The following KIAA1217 variants were observed in gnomAD, a reference collection of about 807,000 sequenced individuals.
KIAA1217 encodes sickle tail protein homolog.
Under a neutral mutation model 163.9 loss-of-function variants are expected in KIAA1217, and 88 were observed. The ratio of observed to expected loss-of-function variants is 0.54; its 90% CI spans 0.45 to 0.64. The LOEUF is 0.64. KIAA1217 is among the 30% of genes least tolerant of loss of function. The pLI, the probability that KIAA1217 is intolerant of heterozygous loss-of-function variation, is 0.00. For missense variants in KIAA1217, 2,372 were observed against 2,475.0 expected (o/e 0.96, Z 0.88); for synonymous variants, 903 against 923.1 (o/e 0.98, Z 0.39).
At chr10:24,537,396 T>C (rs940512089) in intron 17 of KIAA1217, among the ~76,000 whole-genome samples, 1 of 151,818 alleles carries the variant, frequency 6.6e-6, no homozygotes, top group African/African-American at 2.4e-5. Flanking sequence ...GCCAACATGG[T>C]GAAACCCCAT....
intron 2 of KIAA1217, among the ~76,000 whole-genome samples, chr10:24,073,865 G>A (rs1019566742): frequency 6.6e-6 from 1 of 152,174 alleles, no homozygotes; most frequent in African/African-American, 2.4e-5. Context: ...CCCAGTGGGA[G>A]GACACAGGGA....
At chr10:23,806,211 T>C (rs1836736504) in intron 1 of KIAA1217, among the ~76,000 whole-genome samples, 1 of 151,998 alleles carries the variant, frequency 6.6e-6, no homozygotes, top group Non-Finnish European at 1.5e-5. Flanking sequence ...AGGGAAAGAT[T>C]GGTTGAGGAG....
intron 8 of KIAA1217, among the ~76,000 whole-genome samples, chr10:24,500,633 T>C (rs543790655): frequency 1.6e-3 from 243 of 152,290 alleles, no homozygotes; most frequent in African/African-American, 5.8e-3. Flanking sequence ...CCCTTGGCGA[T>C]TGGCTGAATC....
At position 24,142,644 on chromosome 10, in the gene KIAA1217, G is replaced by A. The variant is rs573500284; in HGVS notation, c.-170-76982G>A. Reference sequence around the variant, plus strand: ...TTTAATTTAAAAAAGGATAAAAATAGAAGATGCTGGGAACTATTTTTAGAA... The same window carrying A: ...TTTAATTTAAAAAAGGATAAAAATAAAAGATGCTGGGAACTATTTTTAGAA... On this transcript the variant is annotated intron_variant, in intron 2 of 18. Coordinates refer to the KIAA1217 transcript ENST00000376462. Among the ~76,000 whole-genome samples the A allele has an allele frequency of 2.0e-5, 3 of 152,232 alleles. No individual in the cohort carries two copies. The South Asian group carries it at 6.2e-4, about 32-fold the overall frequency.
At chr10:24,518,168 C>T (rs11014137) in intron 10 of KIAA1217, among the ~76,000 whole-genome samples, 42,621 of 151,920 alleles carry the variant, frequency 0.28, 6,137 homozygotes, top group Middle Eastern at 0.4. Flanking sequence ...TAAACTGTGA[C>T]GTCTATGAAT....
At chr10:24,183,903 A>G (rs146714914) in intron 2 of KIAA1217, among the ~76,000 whole-genome samples, 48 of 152,348 alleles carry the variant, frequency 3.2e-4, no homozygotes, top group African/African-American at 1.1e-3. Context: ...TCTCTTCTGC[A>G]AACTAAATAT....
chr10:23,720,262 G>A lies in KIAA1217; in HGVS notation c.-321+25028G>A, dbSNP rs900091050. On this transcript the variant is annotated intron_variant, in intron 1 of 18. Transcript: ENST00000376462. ...GAATGGGGAGTTGGAGAGAGGGGTGGGGCATTGTCATAGTATTTTGGTTTT... is the reference window on the plus strand; with the variant it reads ...GAATGGGGAGTTGGAGAGAGGGGTGAGGCATTGTCATAGTATTTTGGTTTT... Among the ~76,000 whole-genome samples the A allele has an allele frequency of 4.5e-4, 69 of 152,082 alleles. 1 individual carries two copies. Among genetic ancestry groups the A allele is most frequent in the African/African-American group, 1.6e-3 (67 of 41,486 alleles).
chr10:23,909,386 TA>T (rs1007349746), intron 1 of KIAA1217, among the ~76,000 whole-genome samples: 2 of 151,486 alleles, frequency 1.3e-5, no homozygotes, highest in Non-Finnish European at 2.9e-5. Flanking sequence ...AAAAATAAAT[TA>T]AAAAAAGAAA....
chr10:23,770,260 G>A (rs1834733961), intron 1 of KIAA1217, among the ~76,000 whole-genome samples: 1 of 152,178 alleles, frequency 6.6e-6, no homozygotes, highest in South Asian at 2.1e-4. Context: ...TGGTTACCAT[G>A]TCTTCTACAC....
chr10:23,761,127 A>G (rs1834244210), intron 1 of KIAA1217, among the ~76,000 whole-genome samples: 1 of 152,086 alleles, frequency 6.6e-6, no homozygotes, highest in Non-Finnish European at 1.5e-5. Flanking sequence ...TTAGCTGGGC[A>G]TTATAGGGCA....
At chr10:24,261,135 T>A (rs1217984931) in intron 2 of KIAA1217, among the ~76,000 whole-genome samples, 2 of 152,202 alleles carry the variant, frequency 1.3e-5, no homozygotes, top group African/African-American at 4.8e-5. Flanking sequence ...TGATGGCTCT[T>A]TGCTGTAAAA....
intron 1 of KIAA1217, among the ~76,000 whole-genome samples, chr10:23,872,194 A>G (rs1840486432): frequency 6.6e-6 from 1 of 152,124 alleles, no homozygotes; most frequent in Admixed American, 6.6e-5. Context: ...AGACAAGTAT[A>G]GAAAAGTGAA....
intron 2 of KIAA1217, among the ~76,000 whole-genome samples, chr10:24,231,626 A>G (rs1158578923): frequency 1.3e-5 from 2 of 152,198 alleles, no homozygotes; most frequent in Non-Finnish European, 2.9e-5. Flanking sequence ...GTGGTCAATG[A>G]TCAGGAACAA....
intron 1 of KIAA1217, among the ~76,000 whole-genome samples, chr10:23,790,522 T>TACACAC (rs1554795143): frequency 8.7e-6 from 1 of 114,936 alleles, no homozygotes; most frequent in Non-Finnish European, 1.7e-5. Flanking sequence ...TATGTATATA[T>TACACAC]ACATATATAC....
chr10:24,089,460 A>G (rs1234322117), intron 2 of KIAA1217, among the ~76,000 whole-genome samples: 2 of 124,400 alleles, frequency 1.6e-5, no homozygotes, highest in African/African-American at 5.0e-5. Flanking sequence ...TCCATCTTGA[A>G]TTAATTTTTG....
chr10:23,704,172 G>GTGTATATATATATA (rs1229370789), intron 1 of KIAA1217, among the ~76,000 whole-genome samples: 7 of 39,948 alleles, frequency 1.8e-4, no homozygotes, highest in Admixed American at 3.1e-4. Context: ...GTGTGTGTGT[G>GTGTATATATATATA]TATATATATA....
rs1288937443 is a variant in KIAA1217 at position 24,544,117 on chromosome 10, A to G, written c.4847A>G (p.Gln1616Arg). The G allele has an allele frequency of 6.2e-7, 1 of 1,614,174 alleles. No homozygotes were observed. The part of the protein sequence containing the change: ...EEEEEDGTLK[Q>R]HKEAKRFEIA... ...GAGGAAGAGGATGGCACCCTGAAAC[A>G]GCACAAAGAAGCCAAGCGCTTCGAA... is the stretch of plus-strand genomic sequence containing the variant. Residue 1616 changes from glutamine (Q) to arginine (R), a missense_variant, in exon 19 of 21, where the codon CAG (glutamine) becomes CGG (arginine). This residue lies in a region of KIAA1217 where 690 missense variants were observed against 677.5 expected (regional missense o/e 1.02). Coordinates refer to ENST00000376454, the MANE Select transcript of KIAA1217 (RefSeq NM_019590.5).
chr10:24,447,874 G>C (rs1215910497), intron 5 of KIAA1217, among the ~76,000 whole-genome samples: 1 of 152,274 alleles, frequency 6.6e-6, no homozygotes, highest in Non-Finnish European at 1.5e-5. Flanking sequence ...GCTCACACCT[G>C]TAATCCCAGC....
At chr10:24,024,301 C>T (rs1015230594) in intron 2 of KIAA1217, among the ~76,000 whole-genome samples, 1 of 151,620 alleles carries the variant, frequency 6.6e-6, no homozygotes, top group Admixed American at 6.6e-5. Context: ...CAGTCACTGT[C>T]CTTCATCCAT....
Sources: allele counts gnomAD v4.1 joint callset (sites outside exome capture counted in the v4.1 genomes callset), GRCh38; gene constraint gnomAD v4.1.1; regional missense constraint gnomAD v4.1.1; transcripts MANE v1.5; gene names NCBI Gene and HGNC (gene_info 2026-07-23, HGNC 2026-07-21).